UNC13B: variants seen among roughly 807,000 people sequenced by gnomAD.
UNC13B encodes protein unc-13 homolog B.
In UNC13B, 144 loss-of-function variants were observed where a neutral mutation model predicts 211.0. The observed-to-expected ratio is 0.68, with a 90% CI of 0.60 to 0.78. UNC13B has a LOEUF of 0.78. Ranked by LOEUF, UNC13B falls within the 30% of genes least tolerant of loss-of-function variation. UNC13B has a pLI of 0.00. For synonymous variants in UNC13B, 709 were observed against 725.8 expected (o/e 0.98, Z 0.37); for missense variants, 1,777 against 2,002.0 (o/e 0.89, Z 2.14).
At chr9:35,179,604 A>T (rs1821824190) in intron 1 of UNC13B, among the ~76,000 whole-genome samples, 1 of 152,100 alleles carries the variant, frequency 6.6e-6, no homozygotes, top group African/African-American at 2.4e-5. Flanking sequence ...CAGCCTGGGC[A>T]ACGTGACAAA....
intron 11 of UNC13B, among the ~76,000 whole-genome samples, chr9:35,357,679 G>A (rs1246795483): frequency 6.6e-6 from 1 of 151,088 alleles, no homozygotes; most frequent in Non-Finnish European, 1.5e-5. Flanking sequence ...CTTGAGCTCA[G>A]AAATTTGAGA....
intron 11 of UNC13B, among the ~76,000 whole-genome samples, chr9:35,343,471 A>G (rs995868650): frequency 2.0e-5 from 3 of 152,172 alleles, no homozygotes; most frequent in African/African-American, 7.2e-5. Context: ...TATTGGAAAG[A>G]AGCGGGGTAC....
intron 1 of UNC13B, among the ~76,000 whole-genome samples, chr9:35,225,441 C>T (rs918865158): frequency 6.6e-6 from 1 of 152,192 alleles, no homozygotes; most frequent in African/African-American, 2.4e-5. Flanking sequence ...AGGTGTGAGC[C>T]ACCATGCCCG....
intron 1 of UNC13B, among the ~76,000 whole-genome samples, chr9:35,169,566 A>G (rs1327312332): frequency 6.6e-6 from 1 of 152,122 alleles, no homozygotes; most frequent in Non-Finnish European, 1.5e-5. Flanking sequence ...TGTTATTGTC[A>G]TCTGCCTCAG....
intron 8 of UNC13B, among the ~76,000 whole-genome samples, chr9:35,297,547 C>CTTTTTT (rs774525517): frequency 0.014 from 1,408 of 100,782 alleles, 161 homozygotes; most frequent in African/African-American, 0.054. Context: ...CATACTTTGT[C>CTTTTTT]TTTTTTTTTT....
At position 35,173,359 on chromosome 9, in the gene UNC13B, C is replaced by T. The variant is rs182854161; in HGVS notation, c.22+11054C>T. Among the ~76,000 whole-genome samples, 506 of 152,146 alleles carry T rather than the reference C, an allele frequency of 3.3e-3. 2 individuals are homozygous for T. Among genetic ancestry groups the T allele is most frequent in the Non-Finnish European group, 5.7e-3 (385 of 68,014 alleles). On this transcript the variant is annotated intron_variant, in intron 1 of 39. Transcript: ENST00000635942. ...CTTCAGCCCTCCATTCCCACAATTA[C>T]ACCAGAGAGCATGTCACTCTTTGGA...
intron 1 of UNC13B, among the ~76,000 whole-genome samples, chr9:35,168,018 A>T (rs955117820): frequency 2.0e-5 from 3 of 151,452 alleles, no homozygotes; most frequent in Non-Finnish European, 4.4e-5. Flanking sequence ...TCCTGGGCTC[A>T]ATCTGTCCTC....
chr9:35,376,166 C>T lies in UNC13B; in HGVS notation c.9754C>T (p.Arg3252Trp), dbSNP rs138993835. 9.5e-5 allele frequency: 154 copies of T among 1,614,064 alleles called. No individual in the cohort carries two copies. Among genetic ancestry groups the T allele is most frequent in the Non-Finnish European group, 1.2e-4 (147 of 1,180,040 alleles). ...TGAAGGCCTGCTCTGGGGCATTGCC[C>T]GGCAGGGCATGCGCTGCAGCGAATG... ...ECEGLLWGIARQGMRCSECGV... is the reference protein window; with the variant it reads ...ECEGLLWGIAWQGMRCSECGV... Residue 3252 changes from arginine (R) to tryptophan (W), a missense_variant, in exon 15 of 40, where the codon CGG becomes TGG. Physicochemically the swap from Arg to Trp is moderately radical, Grantham distance 101. Coordinates refer to ENST00000635942, the MANE Select transcript of UNC13B (RefSeq NM_001371189.2).
At chr9:35,235,204 AT>A in intron 3 of UNC13B, among the ~76,000 whole-genome samples, 1 of 151,998 alleles carries the variant, frequency 6.6e-6, no homozygotes, top group Admixed American at 6.6e-5. Context: ...TTCTTTTCGA[AT>A]TTTTTCCCCT....
chr9:35,238,722 A>AT (rs1214636932), intron 5 of UNC13B, among the ~76,000 whole-genome samples: 1 of 151,784 alleles, frequency 6.6e-6, no homozygotes, highest in Non-Finnish European at 1.5e-5. Flanking sequence ...CACCTGGCTA[A>AT]TTTTTTGTAA....
At chr9:35,385,327 C>G in intron 22 of UNC13B, 1 of 985,430 alleles carries the variant, frequency 1.0e-6, no homozygotes, top group Non-Finnish European at 1.2e-6. Context: ...TAGTGTGGCT[C>G]CACTTATATT....
chr9:35,236,642 A>T (rs566209481), intron 4 of UNC13B, 56 bp downstream of exon 4: 1 of 1,456,348 alleles, frequency 6.9e-7, no homozygotes, highest in Admixed American at 1.7e-5. Flanking sequence ...GCTTCTCCCC[A>T]TGCTAGCTCC....
chr9:35,364,534 T>G (rs1374748082), intron 11 of UNC13B: 15 of 1,535,928 alleles, frequency 9.8e-6, no homozygotes, highest in Non-Finnish European at 1.3e-5. Flanking sequence ...CTGCTCTTTC[T>G]CTCCTTGCAG....
intron 11 of UNC13B, among the ~76,000 whole-genome samples, chr9:35,346,164 A>G (rs1399987522): frequency 6.6e-6 from 1 of 152,138 alleles, no homozygotes; most frequent in Non-Finnish European, 1.5e-5. Flanking sequence ...CTCTTAGCCC[A>G]TATTAGCCAT....
chr9:35,264,256 C>T (rs1419138921), intron 7 of UNC13B, among the ~76,000 whole-genome samples: 2 of 152,192 alleles, frequency 1.3e-5, no homozygotes, highest in Middle Eastern at 6.8e-3. Flanking sequence ...TAATCATGAT[C>T]AGAATGTTGG....
chr9:35,349,350 A>G (rs1325988624), intron 11 of UNC13B, among the ~76,000 whole-genome samples: 3 of 149,528 alleles, frequency 2.0e-5, no homozygotes, highest in Admixed American at 6.7e-5. Context: ...TGGGGAGGAA[A>G]AAAAAAAAAA....
At chr9:35,258,896 C>A in intron 6 of UNC13B, 97 bp from the exon 7 acceptor site, 1 of 1,296,858 alleles carries the variant, frequency 7.7e-7, no homozygotes, top group Non-Finnish European at 1.1e-6. Flanking sequence ...TGTTTCCAAA[C>A]ACTAAACCTT....
chr9:35,221,536 C>G (rs960923914), intron 1 of UNC13B, among the ~76,000 whole-genome samples: 5 of 152,148 alleles, frequency 3.3e-5, no homozygotes, highest in African/African-American at 1.2e-4. Flanking sequence ...TGTCGGTTGT[C>G]TCTTCACTTT....
chr9:35,303,494 G>T lies in UNC13B; in HGVS notation c.4090G>T (p.Asp1364Tyr). 1 of 398,714 alleles carries T rather than the reference G, an allele frequency of 2.5e-6. No individual in the cohort carries two copies. The highest frequency in any genetic ancestry group is 4.4e-6 in the Non-Finnish European group (1 of 225,826). 24.7% of individuals were successfully genotyped at this position (398,714 alleles called of 1,614,324 possible). A position where few individuals can be genotyped will look rare whatever the true frequency, so the allele number is the denominator to read the frequency against. ...TTTTGAATGGGACTCTGACATAAAA[G>T]ATTTGTCTAAAAATTCCAGAAAACT... Reference protein sequence around the residue: ...FCFEWDSDIKDLSKNSRKLQP... With the variant: ...FCFEWDSDIKYLSKNSRKLQP... Residue 1364 changes from aspartate to tyrosine, a missense_variant, in exon 9 of 40, where the codon GAT (aspartate) becomes TAT (tyrosine). Coordinates refer to ENST00000635942, the MANE Select transcript of UNC13B (RefSeq NM_001371189.2).
Sources: gnomAD v4.1 joint callset for allele counts (sites outside exome capture counted in the v4.1 genomes callset) on GRCh38, gnomAD v4.1.1 for gene constraint, MANE v1.5 for transcripts, NCBI Gene and HGNC (gene_info 2026-07-23, HGNC 2026-07-21) for gene names.